The following PPP4R1 variants were observed in gnomAD, a reference collection of about 807,000 sequenced individuals.
PPP4R1 encodes serine/threonine-protein phosphatase 4 regulatory subunit 1.
Under a neutral mutation model 111.2 loss-of-function variants are expected in PPP4R1, and 42 were observed. The observed-to-expected ratio is 0.38, with a 90% CI of 0.29 to 0.49. The LOEUF is 0.49. PPP4R1 is among the 20% of genes least tolerant of loss of function. The pLI is 0.97. For missense variants in PPP4R1, 1,012 were observed against 1,161.6 expected, an observed-to-expected ratio of 0.87 and a Z score of 1.87; for synonymous variants, 409 against 405.5, an observed-to-expected ratio of 1.01 and a Z score of -0.10.
At chr18:9,578,569 A>G (rs1392919484) in intron 9 of PPP4R1, among the ~76,000 whole-genome samples, 1 of 151,518 alleles carries the variant, frequency 6.6e-6, no homozygotes, top group Admixed American at 6.6e-5. Flanking sequence ...AAAAAAAAAA[A>G]GCATAATAAT....
chr18:9,570,788 A>G, intron 10 of PPP4R1, 105 bp from the exon 11 acceptor site: 11 of 1,219,916 alleles, frequency 9.0e-6, no homozygotes, highest in Non-Finnish European at 1.2e-5. Context: ...GTTAAACATT[A>G]AAAATTACGG....
chr18:9,564,213 T>C (rs1378683977), intron 11 of PPP4R1, among the ~76,000 whole-genome samples: 1 of 152,198 alleles, frequency 6.6e-6, no homozygotes, highest in Non-Finnish European at 1.5e-5. Context: ...TGATTCAAAA[T>C]TAAGATAAGG....
Position 9,547,899 on chromosome 18 carries a change from T to C in PPP4R1, c.2743A>G (p.Met915Val), listed in dbSNP as rs533172260. Reference sequence around the variant, plus strand: ...CTGTCACGGTCCATCTGAAGAGCCATGATGGTCTGCTCCACAGCCTCCTGG... The same window carrying C: ...CTGTCACGGTCCATCTGAAGAGCCACGATGGTCTGCTCCACAGCCTCCTGG... ...CHQEAVEQTI[M>V]ALQMDRDSDV... The change falls in exon 20 of 20, where the codon ATG (methionine) becomes GTG (valine). Residue 915 changes from methionine (M) to valine (V), a missense_variant. Physicochemically the swap from Met to Val is conservative, Grantham distance 21 (BLOSUM62 1). Transcript: ENST00000400556. The C allele has an allele frequency of 8.7e-5, 141 of 1,613,868 alleles. No individual in the cohort carries two copies. Among genetic ancestry groups the C allele is most frequent in the Non-Finnish European group, 1.1e-4 (131 of 1,180,044 alleles).
chr18:9,563,678 T>G, intron 11 of PPP4R1, 128 bp from the exon 12 acceptor site: 1 of 861,844 alleles, frequency 1.2e-6, no homozygotes, highest in Non-Finnish European at 1.6e-6. Flanking sequence ...ATCAAAAAGC[T>G]GGAAAAAAAT....
chr18:9,553,846 A>T (rs1291327400), intron 15 of PPP4R1, among the ~76,000 whole-genome samples: 4 of 152,272 alleles, frequency 2.6e-5, no homozygotes, highest in African/African-American at 9.6e-5. Flanking sequence ...TGAGAGAAAA[A>T]AAATAAATGT....
Position 9,555,939 on chromosome 18 carries a change from A to G in PPP4R1, c.2190+1282T>C, listed in dbSNP as rs551540860. Among the ~76,000 whole-genome samples the G allele has an allele frequency of 1.3e-4, 19 of 151,728 alleles. No homozygotes were observed. In the South Asian group the frequency reaches 2.5e-3, roughly 20 times the overall value. Reference sequence around the variant, plus strand: ...ATCACAAGATCAGGAGATCAAGACCATCCTGGCCAACACGGTGAAACCCCA... The same window carrying G: ...ATCACAAGATCAGGAGATCAAGACCGTCCTGGCCAACACGGTGAAACCCCA... On this transcript the variant is annotated intron_variant, in intron 15 of 19. Coordinates refer to ENST00000400556, the MANE Select transcript of PPP4R1 (RefSeq NM_001042388.3).
intron 2 of PPP4R1, 88 bp from the exon 3 acceptor site, chr18:9,595,241 G>A: frequency 3.0e-6 from 4 of 1,355,312 alleles, no homozygotes; most frequent in Non-Finnish European, 4.0e-6. Context: ...ATCTGTTTCT[G>A]GAATGGTACA....
chr18:9,602,175 C>T (rs1334950551), intron 2 of PPP4R1, among the ~76,000 whole-genome samples: 1 of 152,138 alleles, frequency 6.6e-6, no homozygotes, highest in East Asian at 1.9e-4. Flanking sequence ...TCCAAAGTAG[C>T]AGAAGAGAAA....
intron 4 of PPP4R1, among the ~76,000 whole-genome samples, chr18:9,592,230 C>G (rs1455931405): frequency 6.6e-6 from 1 of 152,092 alleles, no homozygotes; most frequent in African/African-American, 2.4e-5. Context: ...ACAATCTAGC[C>G]CTCACCTAAC....
chr18:9,555,295 C>T (rs1017827249), intron 15 of PPP4R1, among the ~76,000 whole-genome samples: 2 of 151,806 alleles, frequency 1.3e-5, no homozygotes, highest in Non-Finnish European at 1.5e-5. Flanking sequence ...GAGTGAGACC[C>T]TGTCTCAAAA....
chr18:9,560,108 C>T lies in PPP4R1; in HGVS notation c.1843-504G>A, dbSNP rs536567514. Among the ~76,000 whole-genome samples, 120 of 151,904 alleles carry T rather than the reference C, an allele frequency of 7.9e-4. No homozygotes were observed. In the South Asian group the frequency reaches 0.014, roughly 17 times the overall value. On this transcript the variant is annotated intron_variant, in intron 13 of 19. Transcript: ENST00000400556. ...CAGCCTGGGCAACATGGTGAAACCC[C>T]GTCTCTACAAAAAATTAAAAAATCA...
chr18:9,560,021 C>T (rs1484026881), intron 13 of PPP4R1, among the ~76,000 whole-genome samples: 1 of 152,114 alleles, frequency 6.6e-6, no homozygotes, highest in Non-Finnish European at 1.5e-5. Flanking sequence ...CAGCCAGGCA[C>T]AGTGGCTCAC....
At chr18:9,557,923 C>T (rs2066613946) in intron 14 of PPP4R1, among the ~76,000 whole-genome samples, 1 of 152,216 alleles carries the variant, frequency 6.6e-6, no homozygotes, top group African/African-American at 2.4e-5. Context: ...GATTCCTGTA[C>T]AGCCAAACCT....
intron 11 of PPP4R1, among the ~76,000 whole-genome samples, chr18:9,568,206 T>C (rs2066801161): frequency 6.6e-6 from 1 of 152,126 alleles, no homozygotes; most frequent in African/African-American, 2.4e-5. Flanking sequence ...AAAATCTTTT[T>C]AGAGATGGGG....
At chr18:9,594,341 T>C (rs2067258880) in intron 3 of PPP4R1, 1 of 152,464 alleles carries the variant, frequency 6.6e-6, no homozygotes, top group South Asian at 2.1e-4. Flanking sequence ...CAAACGGCAG[T>C]ATTGATTTTA....
At chr18:9,606,503 A>C (rs968047476) in intron 2 of PPP4R1, among the ~76,000 whole-genome samples, 2 of 152,196 alleles carry the variant, frequency 1.3e-5, no homozygotes, top group African/African-American at 4.8e-5. Flanking sequence ...CAGGTATGTC[A>C]AACTTTAATT....
In PPP4R1 at chr18:9,614,274, C is replaced by A; in HGVS notation, c.8-4G>T. 1 of 1,320,762 alleles carries A rather than the reference C, an allele frequency of 7.6e-7. No individual in the cohort carries two copies. Among genetic ancestry groups the A allele is most frequent in the South Asian group, 1.9e-5 (1 of 51,516 alleles). 81.8% of individuals were successfully genotyped at this position (1,320,762 alleles called of 1,614,324 possible). ...TCCTCCTGAAGCAGCGAGAGGTCTGCGCCGAGGGGAGAGAAGAAAGGCCCG... is the reference window on the plus strand; with the variant it reads ...TCCTCCTGAAGCAGCGAGAGGTCTGAGCCGAGGGGAGAGAAGAAAGGCCCG... On this transcript the variant is annotated splice_region_variant and splice_polypyrimidine_tract_variant and intron_variant, in intron 1 of 19. Transcript: ENST00000400556. The surrounding 1 kb of genome is among the most constrained non-coding windows in gnomAD (Gnocchi z 4.1).
chr18:9,593,013 T>C (rs2145245852), intron 4 of PPP4R1, among the ~76,000 whole-genome samples: 2 of 152,142 alleles, frequency 1.3e-5, no homozygotes, highest in Non-Finnish European at 2.9e-5. Flanking sequence ...ACATTCCCAT[T>C]AAAATGAACT....
At chr18:9,569,723 T>G (rs1787027441) in intron 11 of PPP4R1, among the ~76,000 whole-genome samples, 2 of 152,166 alleles carry the variant, frequency 1.3e-5, no homozygotes, top group African/African-American at 4.8e-5. Flanking sequence ...TTTCTTTTTT[T>G]AATAGACAGG....
Sources: gnomAD v4.1 joint callset for allele counts (sites outside exome capture counted in the v4.1 genomes callset) on GRCh38, gnomAD v4.1.1 for gene constraint, Gnocchi (gnomAD v3.1) non-coding constraint, MANE v1.5 for transcripts, NCBI Gene and HGNC (gene_info 2026-07-23, HGNC 2026-07-21) for gene names.